The following CDC14A variants were observed in gnomAD, a reference collection of about 807,000 sequenced individuals.
CDC14A encodes the protein dual specificity protein phosphatase CDC14A.
CDC14A carries 53 observed loss-of-function variants against 74.4 expected under a neutral mutation model. That is an observed-to-expected ratio of 0.71 (90% CI 0.57 to 0.89). The LOEUF is 0.89. Ranked by LOEUF, CDC14A falls within the 40% of genes least tolerant of loss-of-function variation. The pLI, the probability that CDC14A is intolerant of heterozygous loss-of-function variation, is 0.00. For missense variants in CDC14A, 646 were observed against 713.7 expected (o/e 0.91, Z 1.08); for synonymous variants, 247 against 258.4 (o/e 0.96, Z 0.43).
chr1:100,388,677 G>T (rs1657211675), intron 3 of CDC14A, among the ~76,000 whole-genome samples: 1 of 152,022 alleles, frequency 6.6e-6, no homozygotes, highest in Non-Finnish European at 1.5e-5. Context: ...TGTGATCATG[G>T]CTCACTGCAG....
upstream of CDC14A, among the ~76,000 whole-genome samples, chr1:100,351,389 G>A (rs897843977): frequency 6.6e-6 from 1 of 152,182 alleles, no homozygotes; most frequent in Non-Finnish European, 1.5e-5. Context: ...ATGCTCTTCG[G>A]ATAGTCGGTC....
At chr1:100,358,651 A>G (rs1652248806) in intron 2 of CDC14A, among the ~76,000 whole-genome samples, 1 of 152,258 alleles carries the variant, frequency 6.6e-6, no homozygotes, top group African/African-American at 2.4e-5. Context: ...ATGAGAACTA[A>G]TTAGCTAAAT....
intron 2 of CDC14A, among the ~76,000 whole-genome samples, chr1:100,376,027 T>C (rs558737014): frequency 6.6e-6 from 1 of 152,264 alleles, no homozygotes; most frequent in South Asian, 2.1e-4. Flanking sequence ...AAACCATCAT[T>C]CTGAGCAAAC....
chr1:100,405,170 C>T (rs1285771357), intron 4 of CDC14A, among the ~76,000 whole-genome samples: 4 of 152,102 alleles, frequency 2.6e-5, no homozygotes, highest in African/African-American at 9.7e-5. Context: ...GTTTTTCTGC[C>T]TACCCCTCAC....
intron 11 of CDC14A, among the ~76,000 whole-genome samples, chr1:100,492,856 GTGTGTGTA>G (rs1278861226): frequency 2.0e-5 from 3 of 149,566 alleles, no homozygotes; most frequent in Non-Finnish European, 4.4e-5. Flanking sequence ...GTGTGTGTGT[GTGTGTGTA>G]TGTGTGTGTG....
chr1:100,350,706 G>A (rs1200139940), upstream of CDC14A, among the ~76,000 whole-genome samples: 1 of 152,092 alleles, frequency 6.6e-6, no homozygotes, highest in Admixed American at 6.5e-5. Flanking sequence ...TATTTCTAAC[G>A]CACTTTTTAA....
chr1:100,411,758 G>T (rs74103166), intron 4 of CDC14A, among the ~76,000 whole-genome samples: 225 of 152,250 alleles, frequency 1.5e-3, no homozygotes, highest in African/African-American at 5.3e-3. Flanking sequence ...GAGCTCTAAG[G>T]ATATGGTAAT....
At chr1:100,397,591 C>T (rs1658688115) in intron 4 of CDC14A, among the ~76,000 whole-genome samples, 1 of 151,844 alleles carries the variant, frequency 6.6e-6, no homozygotes, top group Admixed American at 6.6e-5. Flanking sequence ...ATCAGGTCAC[C>T]GTGACTGAAG....
At chr1:100,367,437 A>C (rs758156081) in intron 2 of CDC14A, among the ~76,000 whole-genome samples, 1 of 152,236 alleles carries the variant, frequency 6.6e-6, no homozygotes, top group Non-Finnish European at 1.5e-5. Context: ...TCATTATACC[A>C]AAGTTGGTGA....
chr1:100,445,867 A>G (rs1665491801), intron 7 of CDC14A, among the ~76,000 whole-genome samples: 1 of 152,218 alleles, frequency 6.6e-6, no homozygotes, highest in Admixed American at 6.5e-5. Context: ...TATCTGTTCT[A>G]TTATAAAGCC....
At chr1:100,348,354 T>G (rs544001983), upstream of CDC14A, among the ~76,000 whole-genome samples, 1 of 152,338 alleles carries the variant, frequency 6.6e-6, no homozygotes, top group South Asian at 2.1e-4. Flanking sequence ...CTTTTGTTTT[T>G]CATTTCTTTT....
chr1:100,483,706 G>A (rs1262983512), intron 10 of CDC14A, among the ~76,000 whole-genome samples: 1 of 152,100 alleles, frequency 6.6e-6, no homozygotes. Flanking sequence ...ATGAAAGAAA[G>A]TTTATACATG....
intron 2 of CDC14A, 62 bp from the exon 3 acceptor site, chr1:100,377,484 T>C (rs557059788): frequency 9.8e-7 from 1 of 1,023,176 alleles, no homozygotes; most frequent in Admixed American, 2.0e-5. Flanking sequence ...AGATGAACAT[T>C]GATGTTACTG....
chr1:100,449,558 C>T (rs1247504116), intron 7 of CDC14A, among the ~76,000 whole-genome samples: 3 of 152,202 alleles, frequency 2.0e-5, no homozygotes, highest in Admixed American at 2.0e-4. Context: ...TCCTGCCTGT[C>T]AGCTCTTCTT....
intron 5 of CDC14A, among the ~76,000 whole-genome samples, chr1:100,429,704 C>A (rs1010675808): frequency 2.2e-5 from 3 of 137,048 alleles, no homozygotes; most frequent in African/African-American, 5.7e-5. Context: ...ATATATATAT[C>A]AAGTATATTT....
intron 12 of CDC14A, 99 bp downstream of exon 12, chr1:100,495,029 G>A: frequency 1.5e-6 from 1 of 652,520 alleles, no homozygotes; most frequent in South Asian, 2.0e-5. Flanking sequence ...TTTGAATTTT[G>A]TTCTACAAAT....
chr1:100,365,577 A>C (rs1646067796), intron 2 of CDC14A, among the ~76,000 whole-genome samples: 1 of 152,188 alleles, frequency 6.6e-6, no homozygotes, highest in African/African-American at 2.4e-5. Flanking sequence ...TGAGTGACCA[A>C]ATTGGGACTG....
intron 4 of CDC14A, chr1:100,393,268 C>T: frequency 7.3e-7 from 1 of 1,371,300 alleles, no homozygotes; most frequent in Non-Finnish European, 1.0e-6. Context: ...TGTGCATGTT[C>T]AATCATATGA....
intron 4 of CDC14A, among the ~76,000 whole-genome samples, chr1:100,396,846 T>A (rs991930198): frequency 6.6e-6 from 1 of 152,182 alleles, no homozygotes; most frequent in Non-Finnish European, 1.5e-5. Flanking sequence ...TGACTTCAAG[T>A]ATTTCACAGC....
Sources: allele counts gnomAD v4.1 joint callset (sites outside exome capture counted in the v4.1 genomes callset), GRCh38; gene constraint gnomAD v4.1.1; transcripts MANE v1.5; gene names NCBI Gene and HGNC (gene_info 2026-07-23, HGNC 2026-07-21).